The following LDLRAD4 variants were observed in gnomAD, a reference collection of about 807,000 sequenced individuals.
The protein encoded by LDLRAD4 is low-density lipoprotein receptor class A domain-containing protein 4.
A neutral mutation model predicts 17.0 loss-of-function variants in LDLRAD4; 5 were observed. The observed-to-expected ratio is 0.29, with a 90% CI of 0.15 to 0.62. LDLRAD4 has a LOEUF of 0.62. LDLRAD4 is among the 20% of genes least tolerant of loss of function. The probability of loss-of-function intolerance (pLI) is 0.84; values close to 1 mark genes in which losing one functional copy is unlikely to be tolerated. For missense variants in LDLRAD4, 340 were observed against 424.7 expected, an observed-to-expected ratio of 0.80 and a Z score of 1.75; for synonymous variants, 168 against 171.8, an observed-to-expected ratio of 0.98 and a Z score of 0.17.
At chr18:13,552,224 C>T (rs1422887977) in intron 3 of LDLRAD4, among the ~76,000 whole-genome samples, 1 of 152,204 alleles carries the variant, frequency 6.6e-6, no homozygotes, top group African/African-American at 2.4e-5. Context: ...CAGCGGCCAG[C>T]CAGGTTGAGC....
chr18:13,549,597 G>A (rs1405148296), intron 3 of LDLRAD4, among the ~76,000 whole-genome samples: 2 of 151,664 alleles, frequency 1.3e-5, no homozygotes, highest in Non-Finnish European at 2.9e-5. Context: ...AGCTGTGAGC[G>A]TGAAACATAG....
chr18:13,626,340 G>A (rs1376572038), intron 4 of LDLRAD4, among the ~76,000 whole-genome samples: 1 of 152,146 alleles, frequency 6.6e-6, no homozygotes, highest in East Asian at 1.9e-4. Flanking sequence ...AGAGCTATTT[G>A]AACAAGTTGC....
chr18:13,372,382 T>C lies in LDLRAD4; in HGVS notation c.-382-14959T>C, dbSNP rs577593733. Reference sequence around the variant, plus strand: ...GAAGAGAGGATTTGCTCGTCAGCAGTATCTTTTGCTGAACACTAAGCTAAA... The same window carrying C: ...GAAGAGAGGATTTGCTCGTCAGCAGCATCTTTTGCTGAACACTAAGCTAAA... On this transcript the variant is annotated intron_variant, in intron 1 of 5. Coordinates refer to ENST00000359446, the Ensembl canonical transcript of LDLRAD4. Among the ~76,000 whole-genome samples, 4 of 152,364 alleles carry C rather than the reference T, an allele frequency of 2.6e-5. No individual in the cohort carries two copies. In the East Asian group the frequency reaches 7.7e-4, roughly 29 times the overall value.
chr18:13,581,275 A>G (rs2094853000), intron 3 of LDLRAD4, among the ~76,000 whole-genome samples: 1 of 152,210 alleles, frequency 6.6e-6, no homozygotes, highest in African/African-American at 2.4e-5. Context: ...TCGGGACTTT[A>G]GAGCATCTCA....
intron 3 of LDLRAD4, among the ~76,000 whole-genome samples, chr18:13,445,773 G>T (rs184457315): frequency 6.6e-6 from 1 of 151,406 alleles, no homozygotes; most frequent in South Asian, 2.1e-4. Flanking sequence ...GTGGGTGTGT[G>T]TGTGTGTGAG....
chr18:13,365,305 C>T (rs72874809), intron 1 of LDLRAD4, among the ~76,000 whole-genome samples: 2,066 of 152,268 alleles, frequency 0.014, 21 homozygotes, highest in Non-Finnish European at 0.02. Context: ...AGTCTGGGTG[C>T]TGTCTTCTCG....
chr18:13,610,116 T>C (rs80061451), intron 3 of LDLRAD4, among the ~76,000 whole-genome samples: 2,623 of 152,194 alleles, frequency 0.017, 75 homozygotes, highest in African/African-American at 0.06. Flanking sequence ...GAAAAAAATG[T>C]TGATTTTCTT....
At chr18:13,391,811 A>G (rs937098773) in intron 2 of LDLRAD4, among the ~76,000 whole-genome samples, 1 of 152,328 alleles carries the variant, frequency 6.6e-6, no homozygotes, top group East Asian at 1.9e-4. Context: ...AGTATTTAAT[A>G]TGGTAACTTG....
chr18:13,333,190 T>C (rs1036236413), intron 1 of LDLRAD4, among the ~76,000 whole-genome samples: 3 of 152,232 alleles, frequency 2.0e-5, no homozygotes, highest in East Asian at 1.9e-4. Context: ...TCTTTTCATA[T>C]GCTTATTGGC....
intron 1 of LDLRAD4, among the ~76,000 whole-genome samples, chr18:13,282,210 C>T (rs1312745465): frequency 6.6e-6 from 1 of 152,142 alleles, no homozygotes; most frequent in Admixed American, 6.5e-5. Flanking sequence ...GGGAACACAG[C>T]CAAACTCTAT....
chr18:13,222,622 G>T (rs1178203205), intron 1 of LDLRAD4, among the ~76,000 whole-genome samples: 6 of 152,240 alleles, frequency 3.9e-5, no homozygotes, highest in African/African-American at 1.4e-4. Context: ...TGCGCAGAGG[G>T]CCTCTGCCTG....
chr18:13,269,418 C>T (rs964090377), intron 1 of LDLRAD4, among the ~76,000 whole-genome samples: 1 of 152,192 alleles, frequency 6.6e-6, no homozygotes, highest in Non-Finnish European at 1.5e-5. Context: ...CACACAGTGA[C>T]AATCTTTACA....
At chr18:13,315,808 A>G (rs1223440772) in intron 1 of LDLRAD4, among the ~76,000 whole-genome samples, 2 of 151,328 alleles carry the variant, frequency 1.3e-5, no homozygotes, top group Non-Finnish European at 1.5e-5. Flanking sequence ...AAAAGAATGT[A>G]TAAAACTGGA....
At chr18:13,606,210 C>T (rs1221711235) in intron 3 of LDLRAD4, among the ~76,000 whole-genome samples, 2 of 152,176 alleles carry the variant, frequency 1.3e-5, no homozygotes, top group African/African-American at 4.8e-5. Flanking sequence ...CCATTTTCTT[C>T]TGGGGCTTGG....
chr18:13,388,581 T>G (rs7237902), intron 2 of LDLRAD4, among the ~76,000 whole-genome samples: 63,330 of 152,036 alleles, frequency 0.42, 14,658 homozygotes, highest in Non-Finnish European at 0.52. Flanking sequence ...GTTCCGTGAG[T>G]CCCAGAAGTT....
intron 3 of LDLRAD4, among the ~76,000 whole-genome samples, chr18:13,453,287 G>T (rs2091945823): frequency 6.6e-6 from 1 of 152,130 alleles, no homozygotes; most frequent in African/African-American, 2.4e-5. Flanking sequence ...GTGAACTTGG[G>T]GTGTGAGGTT....
At chr18:13,517,770 G>A (rs972495103) in intron 3 of LDLRAD4, among the ~76,000 whole-genome samples, 10 of 151,738 alleles carry the variant, frequency 6.6e-5, no homozygotes, top group Non-Finnish European at 1.2e-4. Context: ...ATGGAGTCTC[G>A]CTCTGTCGCC....
At chr18:13,582,062 T>C (rs2094867775) in intron 3 of LDLRAD4, among the ~76,000 whole-genome samples, 1 of 152,136 alleles carries the variant, frequency 6.6e-6, no homozygotes, top group African/African-American at 2.4e-5. Context: ...TAAATCCAGA[T>C]TGGAGTCAGC....
intron 3 of LDLRAD4, among the ~76,000 whole-genome samples, chr18:13,609,535 G>A (rs1234219831): frequency 6.8e-5 from 1 of 14,706 alleles, no homozygotes; most frequent in Non-Finnish European, 5.0e-4. Flanking sequence ...GTGTGCGTGT[G>A]TGTGTGTGTG....
Sources: allele counts gnomAD v4.1 joint callset (sites outside exome capture counted in the v4.1 genomes callset), GRCh38; gene constraint gnomAD v4.1.1; transcripts MANE v1.5; gene names NCBI Gene and HGNC (gene_info 2026-07-23, HGNC 2026-07-21).